Variants in MYO3A observed in about 807,000 individuals in gnomAD.
MYO3A encodes the protein myosin-IIIa.
MYO3A carries 180 observed loss-of-function variants against 192.7 expected under a neutral mutation model. The ratio of observed to expected loss-of-function variants is 0.93; its 90% CI spans 0.83 to 1.06. The LOEUF (loss-of-function observed/expected upper bound fraction) is 1.06. MYO3A is among the 50% of genes least tolerant of loss of function. The pLI, the probability that MYO3A is intolerant of heterozygous loss-of-function variation, is 0.00. For synonymous variants in MYO3A, 628 were observed against 645.3 expected (o/e 0.97, Z 0.41); for missense variants, 1,896 against 1,905.0 (o/e 1.00, Z 0.09).
intron 14 of MYO3A, among the ~76,000 whole-genome samples, chr10:26,085,125 A>G (rs1289264520): frequency 6.6e-6 from 1 of 151,350 alleles, no homozygotes; most frequent in Non-Finnish European, 1.5e-5. Flanking sequence ...TTCATTTTTT[A>G]TTTTACTTAT....
intron 27 of MYO3A, 59 bp downstream of exon 27, chr10:26,166,237 T>G: frequency 7.4e-7 from 1 of 1,347,636 alleles, no homozygotes; most frequent in Non-Finnish European, 1.1e-6. Context: ...CACTGAGAAT[T>G]GTAACATTTT....
chr10:25,965,912 C>T lies in MYO3A; in HGVS notation c.303+10904C>T, dbSNP rs1213246838. 5.3e-5 allele frequency among the ~76,000 whole-genome samples: 8 copies of T among 151,530 alleles called. 1 individual carries two copies. The South Asian group carries it at 8.4e-4, about 16-fold the overall frequency. On this transcript the variant is annotated intron_variant, in intron 4 of 34. Coordinates refer to ENST00000642920, the MANE Select transcript of MYO3A (RefSeq NM_017433.5). ...ACTCTGGGCACCACCCATTGGCTAC[C>T]GGGGTAGGGAAGGGGTGGTATAGGT...
chr10:26,053,741 C>T (rs1021677509), intron 10 of MYO3A, among the ~76,000 whole-genome samples: 4 of 152,100 alleles, frequency 2.6e-5, no homozygotes, highest in East Asian at 1.9e-4. Context: ...AGGAGAATCA[C>T]GTGAACCTGG....
intron 15 of MYO3A, among the ~76,000 whole-genome samples, chr10:26,091,660 C>T (rs1836709414): frequency 6.6e-6 from 1 of 152,226 alleles, no homozygotes; most frequent in African/African-American, 2.4e-5. Context: ...TCAGGCACTG[C>T]ACTAAGCACC....
chr10:26,061,603 T>G (rs1160772715), intron 10 of MYO3A, among the ~76,000 whole-genome samples: 1 of 152,124 alleles, frequency 6.6e-6, no homozygotes, highest in Admixed American at 6.5e-5. Flanking sequence ...TGAAGGCCCA[T>G]GAAATCCATG....
intron 26 of MYO3A, 89 bp downstream of exon 26, chr10:26,157,604 T>TGGCCGGGCGCGGTGGCTCACGCCTG: frequency 7.1e-7 from 1 of 1,416,310 alleles, no homozygotes; most frequent in Non-Finnish European, 9.9e-7. Flanking sequence ...GAAAAAATCT[T>TGGCCGGGCGCGGTGGCTCACGCCTG]TAGAGGTCTA....
intron 14 of MYO3A, among the ~76,000 whole-genome samples, chr10:26,080,304 G>T (rs1187098396): frequency 1.3e-5 from 2 of 151,940 alleles, no homozygotes; most frequent in African/African-American, 4.8e-5. Context: ...TCTTCTACTT[G>T]TTCAATTATT....
intron 17 of MYO3A, among the ~76,000 whole-genome samples, chr10:26,118,880 C>T (rs1197365284): frequency 6.6e-6 from 1 of 152,104 alleles, no homozygotes; most frequent in East Asian, 1.9e-4. Flanking sequence ...GATCTGCCCG[C>T]CTCGGCCTCC....
intron 17 of MYO3A, among the ~76,000 whole-genome samples, chr10:26,113,524 G>A (rs1263112775): frequency 6.6e-6 from 1 of 151,716 alleles, no homozygotes; most frequent in Non-Finnish European, 1.5e-5. Flanking sequence ...TGGAAAGGGT[G>A]TGTGTATTCC....
intron 4 of MYO3A, among the ~76,000 whole-genome samples, chr10:25,987,864 G>T (rs1564431780): frequency 6.6e-6 from 1 of 152,060 alleles, no homozygotes; most frequent in Non-Finnish European, 1.5e-5. Context: ...TCTACACAGA[G>T]AAAAAGAAAT....
At chr10:26,058,433 G>A (rs931904009) in intron 10 of MYO3A, among the ~76,000 whole-genome samples, 4 of 152,134 alleles carry the variant, frequency 2.6e-5, no homozygotes, top group Non-Finnish European at 5.9e-5. Flanking sequence ...TATGAAAAAA[G>A]CTGCTATAAA....
At chr10:25,960,571 A>C (rs1837858426) in intron 4 of MYO3A, among the ~76,000 whole-genome samples, 1 of 152,170 alleles carries the variant, frequency 6.6e-6, no homozygotes, top group African/African-American at 2.4e-5. Context: ...GTATTCTTAC[A>C]ATAAAATAAG....
chr10:26,197,155 C>T (rs528015878), intron 32 of MYO3A, among the ~76,000 whole-genome samples: 1 of 152,156 alleles, frequency 6.6e-6, no homozygotes, highest in Non-Finnish European at 1.5e-5. Flanking sequence ...CCAGGAGACA[C>T]GAGCTCAGTC....
At chr10:26,181,465 G>C (rs1405437393) in intron 31 of MYO3A, among the ~76,000 whole-genome samples, 1 of 152,094 alleles carries the variant, frequency 6.6e-6, no homozygotes, top group Non-Finnish European at 1.5e-5. Flanking sequence ...TGTAAAAAGA[G>C]TTAAACTGTT....
intron 14 of MYO3A, among the ~76,000 whole-genome samples, chr10:26,075,457 C>T (rs1042988630): frequency 6.6e-5 from 10 of 151,040 alleles, no homozygotes; most frequent in African/African-American, 2.4e-4. Context: ...TACCCAAAGT[C>T]CACTGTATCA....
intron 26 of MYO3A, among the ~76,000 whole-genome samples, chr10:26,159,241 T>A (rs959708890): frequency 6.7e-6 from 1 of 149,706 alleles, no homozygotes; most frequent in African/African-American, 2.5e-5. Context: ...CCGCCCACCT[T>A]GGCCTCCCAA....
chr10:25,999,741 C>T (rs1038836614), intron 6 of MYO3A, among the ~76,000 whole-genome samples: 3 of 152,174 alleles, frequency 2.0e-5, no homozygotes, highest in Non-Finnish European at 4.4e-5. Context: ...AATGGAGCTG[C>T]ACCACCTCAT....
chr10:26,034,312 C>T (rs191307795), intron 10 of MYO3A, among the ~76,000 whole-genome samples: 1 of 152,208 alleles, frequency 6.6e-6, no homozygotes, highest in African/African-American at 2.4e-5. Flanking sequence ...TTCCATTACA[C>T]AAGAGTGGGT....
At chr10:26,055,167 TTC>T (rs1844240124) in intron 10 of MYO3A, among the ~76,000 whole-genome samples, 1 of 152,134 alleles carries the variant, frequency 6.6e-6, no homozygotes. Context: ...CGCTTGCAGC[TTC>T]TGGCCAAGGG....
Sources: gnomAD v4.1 joint callset for allele counts (sites outside exome capture counted in the v4.1 genomes callset) on GRCh38, gnomAD v4.1.1 for gene constraint, MANE v1.5 for transcripts, NCBI Gene and HGNC (gene_info 2026-07-23, HGNC 2026-07-21) for gene names.